HIVEP3: variants seen among roughly 807,000 people sequenced by gnomAD.
The protein encoded by HIVEP3 is transcription factor HIVEP3.
A neutral mutation model predicts 152.8 loss-of-function variants in HIVEP3; 49 were observed. That is an observed-to-expected ratio of 0.32 (90% CI 0.26 to 0.41). HIVEP3 has a LOEUF of 0.41. HIVEP3 is among the 10% of genes least tolerant of loss of function. The pLI is 1.00. For synonymous variants in HIVEP3, 1,269 were observed against 1,289.0 expected (o/e 0.98, Z 0.33); for missense variants, 2,790 against 3,103.3 (o/e 0.90, Z 2.40).
At chr1:41,750,963 C>T (rs542370671) in intron 1 of HIVEP3, among the ~76,000 whole-genome samples, 19 of 152,278 alleles carry the variant, frequency 1.2e-4, no homozygotes, top group Non-Finnish European at 2.4e-4. Context: ...ATCCATCCAT[C>T]TCGGCCTCCC....
At chr1:41,865,696 AG>A (rs1273780380) in intron 1 of HIVEP3, 1 of 152,224 alleles carries the variant, frequency 6.6e-6, no homozygotes, top group African/African-American at 2.4e-5. Context: ...GTGAATTCCT[AG>A]GTAGGTGTAG....
chr1:41,901,118 T>G (rs192948066), intron 1 of HIVEP3, among the ~76,000 whole-genome samples: 1 of 151,864 alleles, frequency 6.6e-6, no homozygotes, highest in Non-Finnish European at 1.5e-5. Context: ...ACAGCTTAAG[T>G]GTAACAGGTG....
rs753919130 is a variant in HIVEP3 at position 41,584,471 on chromosome 1, T to C, written c.327A>G (p.Lys109=). Residue 109 remains lysine, a synonymous_variant, in exon 4 of 9, where the codon AAA becomes AAG. Transcript: ENST00000372583. This position sits in a 1 kb window ranked among gnomAD's most constrained non-coding sequence, Gnocchi z 5.2. The stretch of plus-strand genomic sequence containing the variant: ...TGGACCCCTCCAGGAGATGCTCAGG[T>C]TTGCCAGGCGACATGAATGCTGGTG... ...PLTPAFMSPG[K]PEHLLEGSTW... 7 of 1,613,962 alleles carry C rather than the reference T, an allele frequency of 4.3e-6. No individual in the cohort carries two copies. In the African/African-American group the frequency reaches 8.0e-5, roughly 18 times the overall value.
At chr1:41,522,220 C>A (rs1055352273) in intron 6 of HIVEP3, among the ~76,000 whole-genome samples, 1 of 152,180 alleles carries the variant, frequency 6.6e-6, no homozygotes, top group Non-Finnish European at 1.5e-5. Flanking sequence ...GCCCAGCACT[C>A]CACAAAGACA....
In HIVEP3 at chr1:41,581,416, C is replaced by T. The variant is rs540145704; in HGVS notation, c.3382G>A (p.Val1128Ile). The change falls in exon 4 of 9, where the codon GTT (valine) becomes ATT (isoleucine). Residue 1128 changes from valine (V) to isoleucine (I), a missense_variant. Val to Ile is a conservative substitution (Grantham distance 29). Around this residue, in one of 9 missense-constraint regions of HIVEP3, gnomAD observed 1,078 missense variants for 1,165.3 expected, o/e 0.93. Transcript: ENST00000372583. This position sits in a 1 kb window ranked among gnomAD's most constrained non-coding sequence, Gnocchi z 4.5. ...TEALQVFHHP[V>I]AQTPLHEKPY... ...TTCTCATGCAGGGGTGTCTGGGCAA[C>T]GGGGTGGTGGAACACTTGCAGTGCT... 2.7e-5 allele frequency: 43 copies of T among 1,599,700 alleles called. No individual in the cohort carries two copies. Among genetic ancestry groups the T allele is most frequent in the Admixed American group, 1.4e-4 (8 of 58,886 alleles).
At chr1:41,693,071 G>A (rs1570328348) in intron 2 of HIVEP3, among the ~76,000 whole-genome samples, 1 of 152,288 alleles carries the variant, frequency 6.6e-6, no homozygotes, top group Admixed American at 6.5e-5. Flanking sequence ...GGACTTTGAT[G>A]CTTAGAGATG....
intron 2 of HIVEP3, among the ~76,000 whole-genome samples, chr1:41,659,292 C>G (rs1264208014): frequency 6.6e-6 from 1 of 152,230 alleles, no homozygotes; most frequent in Non-Finnish European, 1.5e-5. Context: ...TCTCTGGGCC[C>G]CCACGTGTAG....
At chr1:41,710,395 C>T (rs1057308062) in intron 1 of HIVEP3, among the ~76,000 whole-genome samples, 20 of 152,170 alleles carry the variant, frequency 1.3e-4, no homozygotes, top group Non-Finnish European at 2.2e-4. Context: ...TCTAAGGTCG[C>T]GCCAGCTCTG....
chr1:41,789,417 A>C (rs1436650247), intron 1 of HIVEP3, among the ~76,000 whole-genome samples: 1 of 152,188 alleles, frequency 6.6e-6, no homozygotes, highest in Non-Finnish European at 1.5e-5. Context: ...TGTCATGAAA[A>C]CCAATTTTAG....
chr1:41,695,211 A>T (rs1464307042), intron 2 of HIVEP3, among the ~76,000 whole-genome samples: 2 of 152,152 alleles, frequency 1.3e-5, no homozygotes, highest in Non-Finnish European at 2.9e-5. Flanking sequence ...TGGACTCGCC[A>T]TGGAGGCGGG....
intron 5 of HIVEP3, among the ~76,000 whole-genome samples, chr1:41,555,915 C>T (rs114787342): frequency 5.9e-5 from 9 of 152,294 alleles, no homozygotes; most frequent in Non-Finnish European, 1.2e-4. Flanking sequence ...GCTTAGTTCA[C>T]GCAGCATGGT....
chr1:41,812,632 A>C (rs1374795300), intron 1 of HIVEP3, among the ~76,000 whole-genome samples: 1 of 150,866 alleles, frequency 6.6e-6, no homozygotes, highest in Non-Finnish European at 1.5e-5. Flanking sequence ...AGTGATAGTG[A>C]CGCATTTATC....
chr1:41,778,234 C>T (rs1329556862), intron 1 of HIVEP3, among the ~76,000 whole-genome samples: 1 of 152,172 alleles, frequency 6.6e-6, no homozygotes, highest in African/African-American at 2.4e-5. Flanking sequence ...TCTGCTCTGC[C>T]CCAGCAGTAC....
At chr1:41,814,502 C>G (rs1429788143) in intron 1 of HIVEP3, among the ~76,000 whole-genome samples, 1 of 152,228 alleles carries the variant, frequency 6.6e-6, no homozygotes, top group Non-Finnish European at 1.5e-5. Context: ...AGAACCAGAA[C>G]TTGAATGCAG....
upstream of HIVEP3, among the ~76,000 whole-genome samples, chr1:41,922,279 A>G (rs144443277): frequency 3.4e-3 from 518 of 152,344 alleles, 3 homozygotes; most frequent in African/African-American, 0.012. Flanking sequence ...TCAGACTAAT[A>G]CCATACTTCT....
chr1:41,872,163 C>T (rs969114745), intron 1 of HIVEP3, among the ~76,000 whole-genome samples: 31 of 152,160 alleles, frequency 2.0e-4, no homozygotes, highest in African/African-American at 7.0e-4. Flanking sequence ...ATGAATGACT[C>T]GCAAATCAGG....
At position 41,580,652 on chromosome 1, in the gene HIVEP3, C is replaced by T. The variant is rs370690469; in HGVS notation, c.4146G>A (p.Gly1382=). The change falls in exon 4 of 9, where the codon GGG becomes GGA. Residue 1382 remains glycine (G), a synonymous_variant. Transcript: ENST00000372583. Reference sequence around the variant, plus strand: ...AAGCTCTGCTTTGCTCTTCACTTAACCCAGAAGGGCCGGGCCCAACCTCAT... The same window carrying T: ...AAGCTCTGCTTTGCTCTTCACTTAATCCAGAAGGGCCGGGCCCAACCTCAT... ...DVHEVGPGPS[G]LSEEQSRAFP... 7.4e-6 allele frequency: 12 copies of T among 1,613,906 alleles called. No individual in the cohort carries two copies. In the African/African-American group the frequency reaches 9.3e-5, roughly 13 times the overall value.
intron 5 of HIVEP3, among the ~76,000 whole-genome samples, chr1:41,539,609 C>T (rs944356851): frequency 2.6e-5 from 4 of 152,174 alleles, no homozygotes; most frequent in South Asian, 2.1e-4. Flanking sequence ...CCTGAAGAGG[C>T]GGGAGCCTGT....
chr1:41,941,771 C>T (rs1645047064), intron 1 of HIVEP3, among the ~76,000 whole-genome samples: 1 of 152,184 alleles, frequency 6.6e-6, no homozygotes, highest in Admixed American at 6.5e-5. Flanking sequence ...ATGAAGAAGC[C>T]ATGAATTGCC....
Sources: allele counts gnomAD v4.1 joint callset (sites outside exome capture counted in the v4.1 genomes callset), GRCh38; gene constraint gnomAD v4.1.1; regional missense constraint gnomAD v4.1.1; non-coding constraint Gnocchi (gnomAD v3.1); transcripts MANE v1.5; gene names NCBI Gene and HGNC (gene_info 2026-07-23, HGNC 2026-07-21).